Variants in CAMK4 observed in about 807,000 individuals in gnomAD.
The protein encoded by CAMK4 is calcium/calmodulin-dependent protein kinase type IV.
CAMK4 carries 22 observed loss-of-function variants against 44.9 expected under a neutral mutation model. The ratio of observed to expected loss-of-function variants is 0.49; its 90% CI spans 0.35 to 0.70. CAMK4 has a LOEUF of 0.70. Ranked by LOEUF, CAMK4 falls within the 30% of genes least tolerant of loss-of-function variation. CAMK4 has a pLI of 0.01. For synonymous variants in CAMK4, 218 were observed against 215.4 expected, an observed-to-expected ratio of 1.01 and a Z score of -0.11; for missense variants, 498 against 586.8, an observed-to-expected ratio of 0.85 and a Z score of 1.56.
intron 5 of CAMK4, among the ~76,000 whole-genome samples, chr5:111,443,243 CATATATATATATATATATAT>C (rs1232548245): frequency 2.8e-5 from 2 of 72,242 alleles, no homozygotes; most frequent in African/African-American, 4.9e-5. Flanking sequence ...CTCCCCCTAC[CATATATATATATATATATAT>C]ATATATATAT....
Position 111,487,322 on chromosome 5 carries a change from G to A in CAMK4, c.*2856G>A, listed in dbSNP as rs1755665164. The A allele has an allele frequency of 6.6e-6, 1 of 151,354 alleles. No individual in the cohort carries two copies. The highest frequency in any genetic ancestry group is 1.5e-5 in the Non-Finnish European group (1 of 67,814). 9.4% of individuals were successfully genotyped at this position (151,354 alleles called of 1,614,324 possible). On this transcript the variant is annotated 3_prime_UTR_variant, in exon 11 of 11. Coordinates refer to ENST00000282356, the MANE Select transcript of CAMK4 (RefSeq NM_001744.6). Reference sequence around the variant, plus strand: ...AGTTCAGCTACATAGCATAAACTAGGTTTTTTTTTATAACCATGAAGGACA... The same window carrying A: ...AGTTCAGCTACATAGCATAAACTAGATTTTTTTTTATAACCATGAAGGACA...
chr5:111,232,813 G>A (rs1748540648), intron 1 of CAMK4, among the ~76,000 whole-genome samples: 3 of 151,744 alleles, frequency 2.0e-5, no homozygotes, highest in Admixed American at 1.3e-4. Context: ...CTATGACTAG[G>A]TAAGAAAGGA....
Position 111,376,925 on chromosome 5 carries a change from A to T in CAMK4, c.369A>T (p.Gly123=), listed in dbSNP as rs1218965913. Residue 123 remains glycine, a synonymous_variant, in exon 4 of 11, where the codon GGA becomes GGT. Coordinates refer to ENST00000282356, the MANE Select transcript of CAMK4 (RefSeq NM_001744.6). ...EISLVLELVT[G]GELFDRIVEK... ...GTCTGGTCCTAGAACTCGTCACAGG[A>T]GGAGAACTGTTTGATAGGTGAGTTG... The T allele has an allele frequency of 6.2e-7, 1 of 1,603,772 alleles. No individual in the cohort carries two copies. Among genetic ancestry groups the T allele is most frequent in the Admixed American group, 1.7e-5 (1 of 59,212 alleles).
At chr5:111,244,133 C>T (rs1261914430) in intron 1 of CAMK4, among the ~76,000 whole-genome samples, 1 of 152,152 alleles carries the variant, frequency 6.6e-6, no homozygotes, top group African/African-American at 2.4e-5. Context: ...GAAAGCTGGG[C>T]TTAAACCATT....
chr5:111,324,700 T>C (rs550226419), intron 1 of CAMK4, among the ~76,000 whole-genome samples: 2 of 152,234 alleles, frequency 1.3e-5, no homozygotes, highest in African/African-American at 2.4e-5. Context: ...CTTGACTTAA[T>C]TGACACTTAC....
At chr5:111,374,487 C>T (rs191918527) in intron 2 of CAMK4, among the ~76,000 whole-genome samples, 5 of 152,098 alleles carry the variant, frequency 3.3e-5, no homozygotes, top group East Asian at 3.9e-4. Context: ...AAGTGATTGA[C>T]GGCTCCACTG....
At chr5:111,318,256 G>C (rs1561407337) in intron 1 of CAMK4, among the ~76,000 whole-genome samples, 1 of 152,160 alleles carries the variant, frequency 6.6e-6, no homozygotes, top group South Asian at 2.1e-4. Flanking sequence ...AGTTGGCAAA[G>C]TGTATGGCTA....
At chr5:111,445,074 C>A (rs891100418) in intron 5 of CAMK4, among the ~76,000 whole-genome samples, 2 of 152,302 alleles carry the variant, frequency 1.3e-5, no homozygotes, top group South Asian at 4.1e-4. Context: ...GCCTTGACTC[C>A]ACAACTGCAC....
At chr5:111,369,993 A>C (rs1253633955) in intron 2 of CAMK4, among the ~76,000 whole-genome samples, 1 of 152,150 alleles carries the variant, frequency 6.6e-6, no homozygotes, top group African/African-American at 2.4e-5. Context: ...ATGTGGAAAA[A>C]GTCTCACTTT....
chr5:111,449,132 AT>A lies in CAMK4; in HGVS notation c.558del (p.Phe186LeufsTer13). On this transcript the variant is annotated frameshift_variant, in exon 7 of 11. Transcript: ENST00000282356. LOFTEE classifies it high-confidence loss of function. The part of the protein sequence containing the change: ...PAPDAPLKIA[D>X]FGLSKIVEHQ... The stretch of plus-strand genomic sequence containing the variant: ...AATTTTTTTCTTGTGTTATTAGCTG[AT>A]TTTGGACTCTCTAAAATTGTGGAAC... 5 of 1,520,192 alleles carry A rather than the reference AT, an allele frequency of 3.3e-6. No individual in the cohort carries two copies. The highest frequency in any genetic ancestry group is 4.6e-6 in the Non-Finnish European group (5 of 1,098,596). The allele number at this position is 1,520,192 out of a possible 1,614,324, so 94.2% of individuals were successfully genotyped here.
chr5:111,347,216 T>C (rs1010245314), intron 2 of CAMK4, among the ~76,000 whole-genome samples: 1 of 151,968 alleles, frequency 6.6e-6, no homozygotes, highest in Non-Finnish European at 1.5e-5. Flanking sequence ...TCTACAGGCT[T>C]TCAAGGAAGA....
chr5:111,472,008 T>G (rs2112485551), intron 7 of CAMK4, among the ~76,000 whole-genome samples: 1 of 152,250 alleles, frequency 6.6e-6, no homozygotes, highest in Non-Finnish European at 1.5e-5. Flanking sequence ...TTCTCCTGCC[T>G]CAGCCTCCCG....
At chr5:111,385,717 G>A (rs184505367) in intron 4 of CAMK4, among the ~76,000 whole-genome samples, 3 of 152,140 alleles carry the variant, frequency 2.0e-5, no homozygotes, top group Non-Finnish European at 4.4e-5. Flanking sequence ...GGGACTACAG[G>A]CACACGCCAC....
intron 1 of CAMK4, among the ~76,000 whole-genome samples, chr5:111,246,585 T>A (rs1749250191): frequency 6.6e-6 from 1 of 152,174 alleles, no homozygotes; most frequent in African/African-American, 2.4e-5. Flanking sequence ...CCAGCTTCCC[T>A]CATGGTAGCA....
At position 111,366,732 on chromosome 5, in the gene CAMK4, A is replaced by ACTT. The variant is rs1460705578; in HGVS notation, c.241-8114_241-8112dup. ...TACTCTAGAATTATACCTCTTATCT[A>ACTT]CTTCTTTCTCCCCTACCATGGGGAC... On this transcript the variant is annotated intron_variant, in intron 2 of 10. Transcript: ENST00000282356. Among the ~76,000 whole-genome samples, 14 of 152,074 alleles carry ACTT rather than the reference A, an allele frequency of 9.2e-5. No homozygotes were observed. In the East Asian group the frequency reaches 2.7e-3, roughly 29 times the overall value.
At chr5:111,427,069 T>C (rs928179811) in intron 5 of CAMK4, among the ~76,000 whole-genome samples, 2 of 152,030 alleles carry the variant, frequency 1.3e-5, no homozygotes, top group Non-Finnish European at 2.9e-5. Context: ...ACCCCAGGCT[T>C]ACAACTCCAA....
intron 7 of CAMK4, among the ~76,000 whole-genome samples, chr5:111,450,238 A>G (rs1284630260): frequency 2.0e-5 from 3 of 152,154 alleles, no homozygotes; most frequent in Admixed American, 2.0e-4. Context: ...GGAAGCTGAG[A>G]CAGGAGAATC....
At chr5:111,254,654 C>T (rs955329698) in intron 1 of CAMK4, among the ~76,000 whole-genome samples, 5 of 152,330 alleles carry the variant, frequency 3.3e-5, no homozygotes, top group Non-Finnish European at 5.9e-5. Flanking sequence ...CACATCCCAT[C>T]TACTCCTGAG....
intron 7 of CAMK4, among the ~76,000 whole-genome samples, chr5:111,460,461 G>A (rs968245686): frequency 1.3e-5 from 2 of 151,534 alleles, no homozygotes; most frequent in Admixed American, 6.6e-5. Context: ...TAGTAGAGAC[G>A]GGGTTTCACC....
Sources: gnomAD v4.1 joint callset for allele counts (sites outside exome capture counted in the v4.1 genomes callset) on GRCh38, gnomAD v4.1.1 for gene constraint, MANE v1.5 for transcripts, NCBI Gene and HGNC (gene_info 2026-07-23, HGNC 2026-07-21) for gene names.